The following DAB1 variants were observed in gnomAD, a reference collection of about 807,000 sequenced individuals.
The protein encoded by DAB1 is DAB adaptor protein 1.
A neutral mutation model predicts 64.6 loss-of-function variants in DAB1; 15 were observed. The ratio of observed to expected loss-of-function variants is 0.23; its 90% CI spans 0.16 to 0.36. The LOEUF is 0.36. DAB1 is among the 10% of genes least tolerant of loss of function. The probability of loss-of-function intolerance (pLI) is 1.00; values close to 1 mark genes in which losing one functional copy is unlikely to be tolerated. For synonymous variants in DAB1, 235 were observed against 251.9 expected, an observed-to-expected ratio of 0.93 and a Z score of 0.64; for missense variants, 596 against 706.7, an observed-to-expected ratio of 0.84 and a Z score of 1.78.
At chr1:57,728,890 G>A (rs946537185) in intron 6 of DAB1, among the ~76,000 whole-genome samples, 3 of 152,072 alleles carry the variant, frequency 2.0e-5, no homozygotes, top group Non-Finnish European at 4.4e-5. Flanking sequence ...ATGAGATGAC[G>A]TATTTGAAAC....
At chr1:57,579,620 T>C (rs7550226) in intron 7 of DAB1, among the ~76,000 whole-genome samples, 4,520 of 152,292 alleles carry the variant, frequency 0.03, 175 homozygotes, top group Admixed American at 0.12. Context: ...CTAGTCAGAA[T>C]TAACTAGAGA....
rs886454351 is a variant in DAB1, at chr1:57,484,841, T to C, written n.625+164751A>G. Among the ~76,000 whole-genome samples the C allele has an allele frequency of 3.3e-5, 5 of 152,030 alleles. 1 individual carries two copies. The highest frequency in any genetic ancestry group is 1.2e-4 in the African/African-American group (5 of 41,390). On this transcript the variant is annotated intron_variant and non_coding_transcript_variant, in intron 7 of 20. Transcript: ENST00000485760. Reference sequence around the variant, plus strand: ...AGAAAGAGAATATTGGTTCTAGAAGTTGATGTCACATAGGCAAAATGCCTG... The same window carrying C: ...AGAAAGAGAATATTGGTTCTAGAAGCTGATGTCACATAGGCAAAATGCCTG...
Position 57,441,286 on chromosome 1 carries a change from CTTTCTT to C in DAB1, n.626-150126_626-150121del, listed in dbSNP as rs1558383760. 4.1e-3 allele frequency among the ~76,000 whole-genome samples: 117 copies of C among 28,418 alleles called. 2 individuals are homozygous for C. The highest frequency in any genetic ancestry group is 6.6e-3 in the Non-Finnish European group (63 of 9,578). 18.6% of individuals were successfully genotyped at this position (28,418 alleles called of 152,430 possible). ...TTTCTTTCTTTCTCTTTCTTTCTTTCTTTCTTTCTTTCTTTCTTTCTTTCTTTCTTT... is the reference window on the plus strand; with the variant it reads ...TTTCTTTCTTTCTCTTTCTTTCTTTCTCTTTCTTTCTTTCTTTCTTTCTTT... On this transcript the variant is annotated intron_variant and non_coding_transcript_variant, in intron 7 of 20. Transcript: ENST00000485760.
intron 1 of DAB1, among the ~76,000 whole-genome samples, chr1:57,369,554 G>A (rs918434309): frequency 4.8e-4 from 73 of 152,264 alleles, no homozygotes; most frequent in African/African-American, 1.5e-3. Flanking sequence ...TATAGAGGAC[G>A]TTTTATGATG....
intron 6 of DAB1, among the ~76,000 whole-genome samples, chr1:57,725,135 A>G (rs1647193679): frequency 6.6e-6 from 1 of 152,194 alleles, no homozygotes; most frequent in African/African-American, 2.4e-5. Context: ...TTTACTAGCC[A>G]TGGGCTAGTT....
intron 3 of DAB1, among the ~76,000 whole-genome samples, chr1:58,486,835 G>A (rs1326977528): frequency 1.3e-5 from 2 of 152,112 alleles, no homozygotes; most frequent in African/African-American, 4.8e-5. Flanking sequence ...GCTGTAAGGA[G>A]GACACTAGCT....
chr1:57,431,290 T>C (rs1685506812), intron 7 of DAB1, among the ~76,000 whole-genome samples: 1 of 151,838 alleles, frequency 6.6e-6, no homozygotes, highest in African/African-American at 2.4e-5. Context: ...AATCAGAATT[T>C]TGAAATTTAG....
intron 4 of DAB1, among the ~76,000 whole-genome samples, chr1:57,110,189 C>T (rs1001348401): frequency 1.3e-4 from 20 of 152,166 alleles, no homozygotes; most frequent in Non-Finnish European, 2.9e-4. Flanking sequence ...AAAACATGAG[C>T]GAGACCAGTC....
intron 3 of DAB1, among the ~76,000 whole-genome samples, chr1:58,419,440 T>C (rs1375680145): frequency 1.3e-5 from 2 of 152,316 alleles, no homozygotes; most frequent in Middle Eastern, 3.4e-3. Flanking sequence ...TCCATCACCA[T>C]TGTTTTCCTA....
chr1:57,264,350 G>GA (rs1203062051), intron 2 of DAB1, among the ~76,000 whole-genome samples: 7 of 152,072 alleles, frequency 4.6e-5, no homozygotes, highest in African/African-American at 1.7e-4. Flanking sequence ...TACTCAACAG[G>GA]AAACATAATA....
upstream of DAB1, among the ~76,000 whole-genome samples, chr1:57,428,361 T>G (rs1425567954): frequency 6.6e-6 from 1 of 152,184 alleles, no homozygotes; most frequent in African/African-American, 2.4e-5. Flanking sequence ...ATTCTCAGGT[T>G]TTGATGAGTT....
chr1:57,413,034 T>C (rs1268122734), intron 1 of DAB1, among the ~76,000 whole-genome samples: 2 of 152,198 alleles, frequency 1.3e-5, no homozygotes, highest in Admixed American at 1.3e-4. Flanking sequence ...GCTACTTTAC[T>C]ATTGTGAAAA....
intron 2 of DAB1, among the ~76,000 whole-genome samples, chr1:58,509,732 A>C (rs1646045261): frequency 6.6e-6 from 1 of 151,822 alleles, no homozygotes; most frequent in South Asian, 2.1e-4. Flanking sequence ...GGAAAGATTT[A>C]CAAAACTGAC....
At chr1:58,491,402 T>C (rs1468393558) in intron 3 of DAB1, among the ~76,000 whole-genome samples, 1 of 152,050 alleles carries the variant, frequency 6.6e-6, no homozygotes, top group Admixed American at 6.5e-5. Context: ...AGGATCAAAT[T>C]CACACATAAC....
intron 7 of DAB1, among the ~76,000 whole-genome samples, chr1:57,633,013 G>A (rs1301093577): frequency 1.3e-5 from 2 of 152,206 alleles, no homozygotes; most frequent in Non-Finnish European, 2.9e-5. Flanking sequence ...TTCTAAAGCA[G>A]ACAGTAAGTA....
At chr1:57,286,845 C>A (rs533153929) in intron 2 of DAB1, among the ~76,000 whole-genome samples, 20 of 152,144 alleles carry the variant, frequency 1.3e-4, no homozygotes, top group African/African-American at 4.8e-4. Flanking sequence ...TCAAACCCAC[C>A]AGGGTGTAGA....
intron 7 of DAB1, among the ~76,000 whole-genome samples, chr1:57,524,017 ATT>A (rs760922573): frequency 1.4e-4 from 21 of 152,354 alleles, no homozygotes; most frequent in Non-Finnish European, 1.3e-4. Flanking sequence ...AAACAAATAT[ATT>A]TAAAAGGGTT....
chr1:57,137,710 T>C (rs72672655), intron 3 of DAB1, among the ~76,000 whole-genome samples: 3,723 of 152,300 alleles, frequency 0.024, 70 homozygotes, highest in Non-Finnish European at 0.037. Flanking sequence ...TCTGGGCTTT[T>C]AGAAGAAGAA....
intron 4 of DAB1, among the ~76,000 whole-genome samples, chr1:58,186,386 C>T (rs1199039226): frequency 1.3e-5 from 2 of 152,134 alleles, no homozygotes; most frequent in Non-Finnish European, 2.9e-5. Flanking sequence ...TTACTTTTTG[C>T]TTAAATTATT....
Sources: allele counts gnomAD v4.1 joint callset (sites outside exome capture counted in the v4.1 genomes callset), GRCh38; gene constraint gnomAD v4.1.1; transcripts MANE v1.5; gene names NCBI Gene and HGNC (gene_info 2026-07-23, HGNC 2026-07-21).